Variants in SGCD observed in about 807,000 individuals in gnomAD.
SGCD encodes the protein sarcoglycan delta, also known as delta-sarcoglycan.
Under a neutral mutation model 36.6 loss-of-function variants are expected in SGCD, and 18 were observed. That is an observed-to-expected ratio of 0.49 (90% CI 0.34 to 0.73). The LOEUF is 0.73. Ranked by LOEUF, SGCD falls within the 30% of genes least tolerant of loss-of-function variation. The pLI is 0.01. For synonymous variants in SGCD, 133 were observed against 130.6 expected, an observed-to-expected ratio of 1.02 and a Z score of -0.12; for missense variants, 387 against 346.7, an observed-to-expected ratio of 1.12 and a Z score of -0.92.
At chr5:156,446,710 A>T (rs1395298112) in intron 3 of SGCD, among the ~76,000 whole-genome samples, 1 of 152,154 alleles carries the variant, frequency 6.6e-6, no homozygotes, top group Non-Finnish European at 1.5e-5. Context: ...CTGGGTAGGA[A>T]TAATTGTTAT....
Position 156,333,783 on chromosome 5 carries a change from A to ATTTTTTTTTTTTTTTTTTTTTTT in SGCD, c.3+4219_3+4241dup, listed in dbSNP as rs70984404. Among the ~76,000 whole-genome samples, 5 of 19,966 alleles carry ATTTTTTTTTTTTTTTTTTTTTTT rather than the reference A, an allele frequency of 2.5e-4. 2 individuals carry two copies. The highest frequency in any genetic ancestry group is 3.8e-4 in the Non-Finnish European group (4 of 10,476). The allele number at this position is 19,966 out of a possible 152,430, so 13.1% of individuals were successfully genotyped here. Reference sequence around the variant, plus strand: ...GTGCTTTCTTTATGTTAGAAAAGTGATTTTTTTTTTTTTTTTTTTTTTTTT... The same window carrying ATTTTTTTTTTTTTTTTTTTTTTT: ...GTGCTTTCTTTATGTTAGAAAAGTGATTTTTTTTTTTTTTTTTTTTTTTTTTTTTTTTTTTTTTTTTTTTTTTT... On this transcript the variant is annotated intron_variant, in intron 2 of 8. Coordinates refer to ENST00000337851, the MANE Select transcript of SGCD (RefSeq NM_000337.6).
chr5:155,955,851 T>C (rs1757639173), intron 1 of SGCD, among the ~76,000 whole-genome samples: 1 of 152,110 alleles, frequency 6.6e-6, no homozygotes, highest in Non-Finnish European at 1.5e-5. Context: ...GTAAAGAAAC[T>C]GAGGGCACGA....
At chr5:156,758,525 G>C (rs1362125087) in intron 8 of SGCD, among the ~76,000 whole-genome samples, 1 of 151,666 alleles carries the variant, frequency 6.6e-6, no homozygotes, top group Non-Finnish European at 1.5e-5. Context: ...TTCCTATTTT[G>C]TTTTAGAAGA....
At chr5:156,468,772 A>G (rs1465662667) in intron 3 of SGCD, among the ~76,000 whole-genome samples, 1 of 152,180 alleles carries the variant, frequency 6.6e-6, no homozygotes, top group Non-Finnish European at 1.5e-5. Flanking sequence ...TGGGTGGATC[A>G]CTTGAGGTCA....
At chr5:156,247,848 T>C (rs542651082) in intron 3 of SGCD, among the ~76,000 whole-genome samples, 1 of 152,352 alleles carries the variant, frequency 6.6e-6, no homozygotes, top group African/African-American at 2.4e-5. Context: ...TACAATGCCT[T>C]GTGTTGCAAT....
At chr5:156,366,672 A>G (rs755789545) in intron 3 of SGCD, among the ~76,000 whole-genome samples, 1 of 152,222 alleles carries the variant, frequency 6.6e-6, no homozygotes, top group Non-Finnish European at 1.5e-5. Flanking sequence ...ACTGGAGCTA[A>G]CATAGCAACA....
chr5:156,611,730 C>T (rs760572752), intron 6 of SGCD, among the ~76,000 whole-genome samples: 9 of 152,188 alleles, frequency 5.9e-5, no homozygotes, highest in Non-Finnish European at 8.8e-5. Flanking sequence ...CATTCGTTAA[C>T]TTAATAGTGT....
chr5:155,735,411 A>G, the SGCD span, among the ~76,000 whole-genome samples: 2 of 152,210 alleles, frequency 1.3e-5, no homozygotes, highest in Non-Finnish European at 2.9e-5. Flanking sequence ...TGAAAAACTA[A>G]TAGGCTTTCA....
Position 156,089,265 on chromosome 5 carries a change from G to A in SGCD, c.-281-28613G>A, listed in dbSNP as rs555173361. On this transcript the variant is annotated intron_variant, in intron 1 of 9. Transcript: ENST00000517913. ...TGGTTCTACTCTGATTTGGAGCAAG[G>A]CAACAGGCAAAATCTTATCCCAACT... 2.6e-5 allele frequency among the ~76,000 whole-genome samples: 4 copies of A among 152,182 alleles called. No individual in the cohort carries two copies. The South Asian group carries it at 8.3e-4, about 32-fold the overall frequency.
intron 1 of SGCD, 24 bp from the exon 2 acceptor site, chr5:156,329,510 T>G: frequency 6.4e-7 from 1 of 1,557,918 alleles, no homozygotes; most frequent in Middle Eastern, 1.7e-4. Flanking sequence ...GACCTTATTT[T>G]TAACCCATAT....
intron 3 of SGCD, among the ~76,000 whole-genome samples, chr5:156,293,054 G>A (rs1365760229): frequency 2.0e-5 from 3 of 151,782 alleles, no homozygotes; most frequent in African/African-American, 7.3e-5. Context: ...TCTGAGGGTT[G>A]CCTTTCTTTT....
At chr5:156,530,207 C>A (rs1299883994) in intron 4 of SGCD, among the ~76,000 whole-genome samples, 1 of 152,172 alleles carries the variant, frequency 6.6e-6, no homozygotes, top group African/African-American at 2.4e-5. Context: ...ACAGATGTTA[C>A]AATAATTGAA....
Position 156,085,114 on chromosome 5 carries a change from A to G in SGCD, c.-281-32764A>G, listed in dbSNP as rs564116301. Reference sequence around the variant, plus strand: ...TGGTTTACTAATTTTTTTTTTGAGAATTTTTGCCTCTAAGTTCATGAGAGA... The same window carrying G: ...TGGTTTACTAATTTTTTTTTTGAGAGTTTTTGCCTCTAAGTTCATGAGAGA... On this transcript the variant is annotated intron_variant, in intron 1 of 9. Coordinates refer to the SGCD transcript ENST00000517913. 2.5e-3 allele frequency among the ~76,000 whole-genome samples: 383 copies of G among 151,492 alleles called. 4 individuals carry two copies. Among genetic ancestry groups the G allele is most frequent in the Non-Finnish European group, 4.0e-3 (271 of 67,860 alleles).
intron 4 of SGCD, among the ~76,000 whole-genome samples, chr5:156,521,821 T>C (rs1482285077): frequency 6.6e-6 from 1 of 152,150 alleles, no homozygotes; most frequent in African/African-American, 2.4e-5. Context: ...AAAATACCAT[T>C]TGTCCCAGCA....
At chr5:156,268,551 T>G (rs1432419328) in intron 3 of SGCD, among the ~76,000 whole-genome samples, 1 of 149,918 alleles carries the variant, frequency 6.7e-6, no homozygotes, top group Non-Finnish European at 1.5e-5. Context: ...TATCTCATTG[T>G]GGTTTTGATT....
At chr5:156,239,468 G>GAGGAAAA (rs1454516492) in intron 3 of SGCD, among the ~76,000 whole-genome samples, 1 of 151,060 alleles carries the variant, frequency 6.6e-6, no homozygotes, top group Non-Finnish European at 1.5e-5. Flanking sequence ...CAAAGTAGTG[G>GAGGAAAA]AGGAAAAATA....
At chr5:156,500,781 G>A (rs187697789) in intron 3 of SGCD, among the ~76,000 whole-genome samples, 4 of 152,276 alleles carry the variant, frequency 2.6e-5, no homozygotes, top group Admixed American at 2.6e-4. Context: ...GGCGGATCCT[G>A]GAACAGATCA....
At chr5:156,229,536 T>G (rs1268922289) in intron 3 of SGCD, among the ~76,000 whole-genome samples, 1 of 151,820 alleles carries the variant, frequency 6.6e-6, no homozygotes, top group African/African-American at 2.4e-5. Context: ...AGAAATTTGC[T>G]GATAATCTGA....
intron 1 of SGCD, among the ~76,000 whole-genome samples, chr5:155,890,436 G>T (rs542292308): frequency 6.6e-6 from 1 of 152,130 alleles, no homozygotes; most frequent in Admixed American, 6.5e-5. Flanking sequence ...ACCAGCCTGG[G>T]CACCATGGTG....
Sources: allele counts gnomAD v4.1 joint callset (sites outside exome capture counted in the v4.1 genomes callset), GRCh38; gene constraint gnomAD v4.1.1; transcripts MANE v1.5; gene names NCBI Gene and HGNC (gene_info 2026-07-23, HGNC 2026-07-21).